The following DOCK2 variants were observed in gnomAD, a reference collection of about 807,000 sequenced individuals.
DOCK2 encodes the protein dedicator of cytokinesis 2, also known as dedicator of cytokinesis protein 2.
A neutral mutation model predicts 248.9 loss-of-function variants in DOCK2; 87 were observed. That is an observed-to-expected ratio of 0.35 (90% CI 0.29 to 0.42). DOCK2 has a LOEUF of 0.42. Ranked by LOEUF, DOCK2 falls within the 10% of genes least tolerant of loss-of-function variation. The probability of loss-of-function intolerance (pLI) is 1.00; values close to 1 mark genes in which losing one functional copy is unlikely to be tolerated. For missense variants in DOCK2, 1,747 were observed against 2,300.2 expected, an observed-to-expected ratio of 0.76 and a Z score of 4.92; for synonymous variants, 805 against 821.6, an observed-to-expected ratio of 0.98 and a Z score of 0.35.
At chr5:169,810,987 T>TCACACA (rs1199485632) in intron 26 of DOCK2, among the ~76,000 whole-genome samples, 6 of 75,930 alleles carry the variant, frequency 7.9e-5, no homozygotes, top group East Asian at 3.2e-4. Context: ...TCTCTCTCTC[T>TCACACA]CTCACACACA....
At chr5:169,971,718 G>A (rs184753974) in intron 27 of DOCK2, among the ~76,000 whole-genome samples, 224 of 152,312 alleles carry the variant, frequency 1.5e-3, no homozygotes, top group African/African-American at 5.1e-3. Context: ...AGCAGAGCTG[G>A]CCTGAAGGCA....
intron 2 of DOCK2, among the ~76,000 whole-genome samples, chr5:169,662,667 G>C (rs1315990496): frequency 1.3e-5 from 2 of 152,210 alleles, no homozygotes; most frequent in African/African-American, 4.8e-5. Flanking sequence ...GAGAGAACAA[G>C]AAGGGAAGTG....
intron 47 of DOCK2, among the ~76,000 whole-genome samples, chr5:170,076,399 C>A (rs1053740278): frequency 6.6e-6 from 1 of 152,210 alleles, no homozygotes; most frequent in Non-Finnish European, 1.5e-5. Flanking sequence ...CACTTGACAT[C>A]TACTAGGTCA....
chr5:169,798,533 G>C (rs970692678), intron 25 of DOCK2, among the ~76,000 whole-genome samples: 9 of 152,142 alleles, frequency 5.9e-5, no homozygotes, highest in African/African-American at 2.2e-4. Context: ...CTCAACTAGA[G>C]TGCTAACAGA....
intron 22 of DOCK2, among the ~76,000 whole-genome samples, chr5:169,719,680 C>A (rs1048087899): frequency 6.6e-6 from 1 of 152,152 alleles, no homozygotes; most frequent in Non-Finnish European, 1.5e-5. Flanking sequence ...AGTTTTCCGA[C>A]GCAGAGGCTG....
At chr5:169,741,955 G>A (rs868320997) in intron 22 of DOCK2, among the ~76,000 whole-genome samples, 16 of 151,688 alleles carry the variant, frequency 1.1e-4, no homozygotes, top group Non-Finnish European at 1.8e-4. Context: ...GACTACAGGC[G>A]CCCACCACCC....
intron 25 of DOCK2, among the ~76,000 whole-genome samples, chr5:169,774,521 C>T (rs1411922929): frequency 1.3e-5 from 2 of 152,186 alleles, no homozygotes; most frequent in Non-Finnish European, 2.9e-5. Context: ...TCTGATTCCC[C>T]AGCACACACT....
intron 1 of DOCK2, among the ~76,000 whole-genome samples, chr5:169,637,872 G>C (rs928613319): frequency 6.6e-6 from 1 of 152,200 alleles, no homozygotes; most frequent in Admixed American, 6.5e-5. Flanking sequence ...GGCAGCTCAA[G>C]CTTGGGGGAA....
At position 169,818,887 on chromosome 5, in the gene DOCK2, T is replaced by C. The variant is rs1160342906; in HGVS notation, c.2703+15681T>C. ...TGTTCTGGGGGGCAGAGTCCAAAGG[T>C]TGAATTTATTTGAATTCAGTCTTAT... On this transcript the variant is annotated intron_variant, in intron 26 of 51. Coordinates refer to ENST00000520908, the MANE Select transcript of DOCK2 (RefSeq NM_004946.3). Among the ~76,000 whole-genome samples the C allele has an allele frequency of 2.6e-5, 4 of 152,188 alleles. No homozygotes were observed. The South Asian group carries it at 8.3e-4, about 31-fold the overall frequency.
chr5:169,797,204 G>T (rs2113099177), intron 25 of DOCK2, among the ~76,000 whole-genome samples: 1 of 152,320 alleles, frequency 6.6e-6, no homozygotes, highest in East Asian at 1.9e-4. Flanking sequence ...AAAGGAGAAA[G>T]AACAGACTTG....
intron 3 of DOCK2, 71 bp from the exon 4 acceptor site, chr5:169,670,471 T>G: frequency 6.4e-7 from 1 of 1,558,358 alleles, no homozygotes; most frequent in South Asian, 1.2e-5. Context: ...TATAAAGACG[T>G]AGGGTCATTC....
intron 22 of DOCK2, among the ~76,000 whole-genome samples, chr5:169,730,219 AG>A (rs1397053467): frequency 3.3e-5 from 5 of 152,154 alleles, no homozygotes. Flanking sequence ...AGCCTCCCAA[AG>A]TGCTGGGATT....
intron 32 of DOCK2, among the ~76,000 whole-genome samples, chr5:170,016,067 A>T (rs1443511295): frequency 6.6e-6 from 1 of 152,106 alleles, no homozygotes; most frequent in African/African-American, 2.4e-5. Flanking sequence ...AGACCAGAGA[A>T]TTCATGGGAC....
At chr5:169,843,118 G>A (rs566499184) in intron 27 of DOCK2, among the ~76,000 whole-genome samples, 2 of 152,272 alleles carry the variant, frequency 1.3e-5, no homozygotes, top group South Asian at 4.1e-4. Flanking sequence ...TGGATGTCTG[G>A]ATATTGCCCA....
At chr5:169,700,261 C>A in intron 13 of DOCK2, 122 bp downstream of exon 13, 1 of 1,400,548 alleles carries the variant, frequency 7.1e-7, no homozygotes, top group East Asian at 2.4e-5. Flanking sequence ...ATTTCTGTCC[C>A]TGAAGGTAAC....
chr5:169,794,631 G>GTTATTTA (rs1281367136), intron 25 of DOCK2, among the ~76,000 whole-genome samples: 2 of 152,124 alleles, frequency 1.3e-5, no homozygotes, highest in African/African-American at 4.8e-5. Flanking sequence ...CCTGTTAAAA[G>GTTATTTA]TTATTTACTT....
intron 44 of DOCK2, among the ~76,000 whole-genome samples, chr5:170,063,226 A>ACC (rs959378722): frequency 1.3e-5 from 2 of 151,984 alleles, no homozygotes; most frequent in Non-Finnish European, 2.9e-5. Flanking sequence ...AAAAATTGCA[A>ACC]CCCCCTATTC....
chr5:169,643,125 G>A (rs981836136), intron 1 of DOCK2, among the ~76,000 whole-genome samples: 2 of 152,044 alleles, frequency 1.3e-5, no homozygotes, highest in Admixed American at 6.5e-5. Context: ...CCCTTAATTG[G>A]TGTGAATTGA....
intron 25 of DOCK2, among the ~76,000 whole-genome samples, chr5:169,783,172 A>G (rs1011027301): frequency 6.6e-6 from 1 of 152,362 alleles, no homozygotes; most frequent in East Asian, 1.9e-4. Flanking sequence ...CCTCCAAAAG[A>G]TTATTTAAAA....
Sources: allele counts gnomAD v4.1 joint callset (sites outside exome capture counted in the v4.1 genomes callset), GRCh38; gene constraint gnomAD v4.1.1; transcripts MANE v1.5; gene names NCBI Gene and HGNC (gene_info 2026-07-23, HGNC 2026-07-21).